The following RSPH14 variants were observed in gnomAD, a reference collection of about 807,000 sequenced individuals.
The protein encoded by RSPH14 is radial spoke head 14 homolog.
A neutral mutation model predicts 26.7 loss-of-function variants in RSPH14; 20 were observed. The ratio of observed to expected loss-of-function variants is 0.75; its 90% CI spans 0.53 to 1.09. The LOEUF (loss-of-function observed/expected upper bound fraction) is 1.09, where lower values mean the gene tolerates loss of function less well. Among genes scored for constraint, RSPH14 ranks in the 50% least tolerant of loss-of-function variants. RSPH14 has a pLI of 0.00. For missense variants in RSPH14, 449 were observed against 457.2 expected (o/e 0.98, Z 0.16); for synonymous variants, 177 against 189.3 (o/e 0.93, Z 0.53).
intron 4 of RSPH14, among the ~76,000 whole-genome samples, chr22:23,091,493 C>A (rs904352649): frequency 4.6e-5 from 7 of 152,000 alleles, no homozygotes; most frequent in Non-Finnish European, 8.8e-5. Flanking sequence ...TGCACACACA[C>A]AGGGACCTAT....
intron 4 of RSPH14, among the ~76,000 whole-genome samples, chr22:23,076,294 G>A (rs2068505840): frequency 6.6e-6 from 1 of 152,228 alleles, no homozygotes. Context: ...CTCCATGAGG[G>A]CAGGGACGTT....
At chr22:23,119,430 C>T (rs887982820) in intron 4 of RSPH14, among the ~76,000 whole-genome samples, 3 of 152,232 alleles carry the variant, frequency 2.0e-5, no homozygotes, top group African/African-American at 4.8e-5. Context: ...TTCAGCCTCC[C>T]GCTCTGTCTT....
In RSPH14 at chr22:23,131,617, A is replaced by G. The variant is rs544827002; in HGVS notation, c.421+2409T>C. 1.0e-5 allele frequency: 13 copies of G among 1,303,982 alleles called. No homozygotes were observed. In the South Asian group the frequency reaches 1.5e-4, roughly 15 times the overall value. The allele number at this position is 1,303,982 out of a possible 1,614,324, so 80.8% of individuals were successfully genotyped here. ...GTAAGAGGACTGGTTGAGAGCAGCA[A>G]GTCCCCTGTCTCCACACTCCAAGAA... is the stretch of plus-strand genomic sequence containing the variant. On this transcript the variant is annotated intron_variant, in intron 4 of 6. Transcript: ENST00000216036.
chr22:23,159,909 ATC>A, the RSPH14 span, among the ~76,000 whole-genome samples: 1 of 152,232 alleles, frequency 6.6e-6, no homozygotes, highest in Non-Finnish European at 1.5e-5. Flanking sequence ...GATGCCATCC[ATC>A]TCCCTTTTTT....
At chr22:23,161,695 C>T in the RSPH14 span, 1 of 762,170 alleles carries the variant, frequency 1.3e-6, no homozygotes, top group Non-Finnish European at 2.1e-6. Flanking sequence ...GTTCCAGTCC[C>T]TCCACCCACC....
chr22:23,155,371 T>C, the RSPH14 span, among the ~76,000 whole-genome samples: 1 of 152,214 alleles, frequency 6.6e-6, no homozygotes, highest in African/African-American at 2.4e-5. Flanking sequence ...TCGATTGTTG[T>C]ACTCTTTTCC....
At chr22:23,069,162 C>T (rs1465208155) in intron 4 of RSPH14, among the ~76,000 whole-genome samples, 1 of 152,200 alleles carries the variant, frequency 6.6e-6, no homozygotes, top group Admixed American at 6.5e-5. Flanking sequence ...CAAAGCCAGG[C>T]ACATGCCCCT....
chr22:23,063,881 C>G (rs202175826), intron 5 of RSPH14, 21 bp downstream of exon 5: 1 of 1,612,140 alleles, frequency 6.2e-7, no homozygotes, highest in East Asian at 2.2e-5. Flanking sequence ...TGGTAGAAAC[C>G]CAGCCTAGGC....
upstream of RSPH14, chr22:23,145,885 G>A (rs750184773): frequency 9.8e-5 from 74 of 753,656 alleles, no homozygotes; most frequent in Non-Finnish European, 1.2e-4. Context: ...GTGAAGTGAG[G>A]GTTTTCAGGG....
the RSPH14 span, chr22:23,153,186 A>C: frequency 7.2e-7 from 1 of 1,387,564 alleles, no homozygotes; most frequent in Non-Finnish European, 1.0e-6. Context: ...CAGGCACCTG[A>C]GAAAGGATTT....
intron 4 of RSPH14, among the ~76,000 whole-genome samples, chr22:23,083,830 C>T (rs1008848853): frequency 6.6e-6 from 1 of 152,204 alleles, no homozygotes; most frequent in African/African-American, 2.4e-5. Context: ...GTCGCGCGGG[C>T]CAGGTGGCAG....
At chr22:23,115,275 A>C (rs2069792137) in intron 4 of RSPH14, among the ~76,000 whole-genome samples, 1 of 152,178 alleles carries the variant, frequency 6.6e-6, no homozygotes. Context: ...GAGGTATGTG[A>C]CAAGGCTCTG....
chr22:23,081,892 G>A (rs1272490392), intron 4 of RSPH14, among the ~76,000 whole-genome samples: 2 of 150,128 alleles, frequency 1.3e-5, no homozygotes, highest in African/African-American at 2.5e-5. Context: ...TTGGGGGGCC[G>A]AGGCGGGCGG....
chr22:23,165,847 T>TA, the RSPH14 span, among the ~76,000 whole-genome samples: 1 of 152,078 alleles, frequency 6.6e-6, no homozygotes, highest in Admixed American at 6.6e-5. Flanking sequence ...GGCTGGTTTC[T>TA]AAAAAGGACT....
chr22:23,123,323 C>T (rs1448842209), intron 4 of RSPH14: 9 of 1,613,918 alleles, frequency 5.6e-6, no homozygotes, highest in African/African-American at 1.3e-5. Flanking sequence ...CCAAGGAGAT[C>T]TACTCCCACT....
At chr22:23,078,792 C>A (rs1335835314) in intron 4 of RSPH14, among the ~76,000 whole-genome samples, 1 of 152,170 alleles carries the variant, frequency 6.6e-6, no homozygotes, top group Non-Finnish European at 1.5e-5. Flanking sequence ...AGCACACTTG[C>A]AGGGGTAGCA....
In RSPH14 at chr22:23,064,070, A is replaced by G. The variant is rs756029426; in HGVS notation, c.485T>C (p.Val162Ala). ...SSLVWKLQVE[V>A]EEEEFQEFIL... ...GAACTCCTGGAACTCCTCCTCCTCC[A>G]CCTCCACCTGCAGCTTCCATACCAG... is the stretch of plus-strand genomic sequence containing the variant. The change falls in exon 5 of 7, where the codon GTG (valine) becomes GCG (alanine). Residue 162 changes from valine (V) to alanine (A), a missense_variant. Transcript: ENST00000216036. The G allele has an allele frequency of 3.7e-6, 6 of 1,613,672 alleles. No homozygotes were observed. The South Asian group carries it at 5.5e-5, about 15-fold the overall frequency.
chr22:23,064,506 A>G lies in RSPH14; in HGVS notation c.422-373T>C, dbSNP rs141213253. Among the ~76,000 whole-genome samples, 1,357 of 151,774 alleles carry G rather than the reference A, an allele frequency of 8.9e-3. 18 individuals are homozygous for G. The highest frequency in any genetic ancestry group is 0.031 in the African/African-American group (1,297 of 41,378). On this transcript the variant is annotated intron_variant, in intron 4 of 6. Transcript: ENST00000216036. The stretch of plus-strand genomic sequence containing the variant: ...GGCCCAGGCACACCAGGAGACCTCC[A>G]CTCTTCCCTCCCCCTGCCCCAGAGT...
At chr22:23,111,755 G>C (rs577820038) in intron 4 of RSPH14, among the ~76,000 whole-genome samples, 1 of 152,328 alleles carries the variant, frequency 6.6e-6, no homozygotes, top group Non-Finnish European at 1.5e-5. Flanking sequence ...AGCCAGCAGG[G>C]TCGTGGGCAA....
Sources: allele counts gnomAD v4.1 joint callset (sites outside exome capture counted in the v4.1 genomes callset), GRCh38; gene constraint gnomAD v4.1.1; transcripts MANE v1.5; gene names NCBI Gene and HGNC (gene_info 2026-07-23, HGNC 2026-07-21).